HDAC9: variants seen among roughly 807,000 people sequenced by gnomAD.
The protein encoded by HDAC9 is MEF-2 interacting transcription repressor (MITR) protein.
Under a neutral mutation model 139.4 loss-of-function variants are expected in HDAC9, and 41 were observed. The observed-to-expected ratio is 0.29, with a 90% CI of 0.23 to 0.38. HDAC9 has a LOEUF of 0.38. Among genes scored for constraint, HDAC9 ranks in the 10% least tolerant of loss-of-function variants. HDAC9 has a pLI of 1.00. For missense variants in HDAC9, 1,147 were observed against 1,297.0 expected (o/e 0.88, Z 1.78); for synonymous variants, 517 against 476.2 (o/e 1.09, Z -1.12).
intron 1 of HDAC9, among the ~76,000 whole-genome samples, chr7:18,339,145 C>CT (rs1255920362): frequency 1.3e-5 from 2 of 150,102 alleles, no homozygotes; most frequent in South Asian, 2.1e-4. Context: ...AGTATCTTGC[C>CT]TTTTTTTTTC....
chr7:18,244,205 G>A (rs7795393), intron 2 of HDAC9, among the ~76,000 whole-genome samples: 104,511 of 151,932 alleles, frequency 0.69, 36,805 homozygotes, highest in South Asian at 0.86. Context: ...GGTTGGAGGG[G>A]TGGGGATGGG....
intron 9 of HDAC9, among the ~76,000 whole-genome samples, chr7:18,646,232 T>A (rs1787355428): frequency 6.6e-6 from 1 of 152,130 alleles, no homozygotes; most frequent in Non-Finnish European, 1.5e-5. Context: ...TTATTTTTAC[T>A]TATTTTTGTA....
At chr7:18,241,438 C>T (rs916094763) in intron 2 of HDAC9, among the ~76,000 whole-genome samples, 1 of 152,132 alleles carries the variant, frequency 6.6e-6, no homozygotes, top group South Asian at 2.1e-4. Context: ...TCTTCCTGCC[C>T]TGTGGCTGCT....
chr7:18,484,896 AGGG>A (rs1349583523), intron 1 of HDAC9, among the ~76,000 whole-genome samples: 3 of 151,850 alleles, frequency 2.0e-5, no homozygotes, highest in Non-Finnish European at 4.4e-5. Flanking sequence ...TAGTTCATCT[AGGG>A]TTTTGAATTT....
chr7:18,418,934 C>T lies in HDAC9; in HGVS notation c.-41-77328C>T, dbSNP rs115569684. ...CAAAGATTGATTACCTAAGACTATT[C>T]AGAGAAGTAATGTTTGTTTGTTTCT... On this transcript the variant is annotated intron_variant, in intron 1 of 3. Coordinates refer to the HDAC9 transcript ENST00000413509. Among the ~76,000 whole-genome samples the T allele has an allele frequency of 6.7e-3, 1,027 of 152,216 alleles. 12 individuals carry two copies. The highest frequency in any genetic ancestry group is 0.023 in the African/African-American group (950 of 41,540).
intron 2 of HDAC9, among the ~76,000 whole-genome samples, chr7:18,279,826 C>G (rs1471964589): frequency 2.0e-5 from 3 of 152,038 alleles, no homozygotes; most frequent in Non-Finnish European, 4.4e-5. Context: ...AGGCCTGATT[C>G]ATTTTTTATG....
chr7:18,866,003 C>T (rs1272302201), intron 21 of HDAC9, among the ~76,000 whole-genome samples: 1 of 150,322 alleles, frequency 6.7e-6, no homozygotes, highest in African/African-American at 2.5e-5. Flanking sequence ...TCAGAGGTGA[C>T]ATATAAGATC....
intron 12 of HDAC9, among the ~76,000 whole-genome samples, chr7:18,721,732 GCAAAA>G (rs777899148): frequency 2.0e-4 from 30 of 151,816 alleles, no homozygotes; most frequent in South Asian, 6.2e-4. Flanking sequence ...AGAAAGCAAA[GCAAAA>G]CAAAACAAAA....
At chr7:18,779,322 T>C (rs1175422941) in intron 16 of HDAC9, among the ~76,000 whole-genome samples, 1 of 152,038 alleles carries the variant, frequency 6.6e-6, no homozygotes, top group Non-Finnish European at 1.5e-5. Context: ...GGAGCTGGCA[T>C]GTTGTATCAC....
In HDAC9 at chr7:18,660,571, A is replaced by T. The variant is rs147955683; in HGVS notation, c.1468-5642A>T. 3.3e-3 allele frequency among the ~76,000 whole-genome samples: 504 copies of T among 152,288 alleles called. 2 individuals carry two copies. The highest frequency in any genetic ancestry group is 0.014 in the Middle Eastern group (4 of 294). ...AAACATATAGCTTATGCCCTATGAG[A>T]TTTATATTATAGTCTGGGAGATAAC... On this transcript the variant is annotated intron_variant, in intron 11 of 25. Coordinates refer to ENST00000686413, the MANE Select transcript of HDAC9 (RefSeq NM_178425.4).
intron 1 of HDAC9, among the ~76,000 whole-genome samples, chr7:18,489,426 G>A (rs1340965230): frequency 1.3e-5 from 2 of 151,852 alleles, no homozygotes; most frequent in African/African-American, 4.8e-5. Flanking sequence ...AGTATTTATT[G>A]AATACCTATT....
At chr7:18,626,271 G>C (rs1841690004) in intron 6 of HDAC9, among the ~76,000 whole-genome samples, 1 of 152,122 alleles carries the variant, frequency 6.6e-6, no homozygotes, top group Admixed American at 6.5e-5. Context: ...CTGTGACAGG[G>C]AGAGTGTAGG....
At chr7:18,435,155 C>G (rs1280035665) in intron 1 of HDAC9, among the ~76,000 whole-genome samples, 1 of 146,344 alleles carries the variant, frequency 6.8e-6, no homozygotes, top group Non-Finnish European at 1.5e-5. Flanking sequence ...AATGCAGGAA[C>G]AGAAAACCAA....
intron 2 of HDAC9, among the ~76,000 whole-genome samples, chr7:18,184,258 C>A (rs114455244): frequency 6.6e-6 from 1 of 152,012 alleles, no homozygotes; most frequent in South Asian, 2.1e-4. Flanking sequence ...GTTAGCTGAG[C>A]GTTGCGGCAC....
intron 11 of HDAC9, among the ~76,000 whole-genome samples, chr7:18,656,535 G>A (rs1267970310): frequency 6.6e-6 from 1 of 152,002 alleles, no homozygotes; most frequent in African/African-American, 2.4e-5. Context: ...CTGAGGTCTT[G>A]CACAATTATT....
chr7:18,328,558 CA>C, intron 1 of HDAC9, among the ~76,000 whole-genome samples: 1 of 151,976 alleles, frequency 6.6e-6, no homozygotes, highest in East Asian at 1.9e-4. Context: ...ATTAGAAGAT[CA>C]TGTAATTTTT....
Position 18,753,827 on chromosome 7 carries a change from G to T in HDAC9, c.2043+4689G>T, listed in dbSNP as rs139447140. On this transcript the variant is annotated intron_variant, in intron 14 of 25. Transcript: ENST00000686413. ...CTGATCTTTGGTTTTCCTATGTTTAGATGAGGGTGTTAGGCAAGATATTTG... is the reference window on the plus strand; with the variant it reads ...CTGATCTTTGGTTTTCCTATGTTTATATGAGGGTGTTAGGCAAGATATTTG... 1.2e-4 allele frequency among the ~76,000 whole-genome samples: 18 copies of T among 152,168 alleles called. No individual in the cohort carries two copies. In the East Asian group the frequency reaches 3.5e-3, roughly 29 times the overall value.
At chr7:18,338,402 C>T (rs1027591425) in intron 1 of HDAC9, among the ~76,000 whole-genome samples, 4 of 151,508 alleles carry the variant, frequency 2.6e-5, no homozygotes, top group Admixed American at 1.3e-4. Context: ...TTTCTTAGAT[C>T]CAAGGATTAG....
chr7:18,555,165 G>A (rs562536974), intron 2 of HDAC9, among the ~76,000 whole-genome samples: 2 of 152,268 alleles, frequency 1.3e-5, no homozygotes, highest in South Asian at 4.1e-4. Context: ...CCCACTGTTG[G>A]AAATATAATT....
Sources: allele counts gnomAD v4.1 joint callset (sites outside exome capture counted in the v4.1 genomes callset), GRCh38; gene constraint gnomAD v4.1.1; transcripts MANE v1.5; gene names NCBI Gene and HGNC (gene_info 2026-07-23, HGNC 2026-07-21).